CR2: variants seen among roughly 807,000 people sequenced by gnomAD.
The protein encoded by CR2 is complement receptor type 2.
In CR2, 96 loss-of-function variants were observed where a neutral mutation model predicts 123.0. The ratio of observed to expected loss-of-function variants is 0.78; its 90% confidence interval spans 0.66 to 0.93. CR2 has a LOEUF of 0.93. Among genes scored for constraint, CR2 ranks in the 40% least tolerant of loss-of-function variants. CR2 has a pLI of 0.00. For missense variants in CR2, 1,258 were observed against 1,361.0 expected (o/e 0.92, Z 1.19); for synonymous variants, 484 against 469.5 (o/e 1.03, Z -0.40).
chr1:207,471,428 A>G lies in CR2; in HGVS notation c.1499A>G (p.Lys500Arg), dbSNP rs745928267. Residue 500 changes from lysine to arginine, a missense_variant, in exon 9 of 20, where the codon AAG becomes AGG. Transcript: ENST00000367057. ...DVNSSCGEGY[K>R]LSGSVYQECQ... ...ATACGTGACTCTGTCTCTAGGTACA[A>G]GTTAAGTGGGAGTGTTTATCAGGAG... The G allele has an allele frequency of 3.1e-6, 5 of 1,611,640 alleles. No individual in the cohort carries two copies. Among genetic ancestry groups the G allele is most frequent in the Middle Eastern group, 3.3e-4 (2 of 6,056 alleles).
In CR2 at chr1:207,468,862, C is replaced by T. The variant is rs755984980; in HGVS notation, c.697C>T (p.Arg233Trp). Residue 233 changes from arginine to tryptophan, a missense_variant, in exon 4 of 20, where the codon CGG becomes TGG. By Grantham distance (101) the Arg-to-Trp change is moderately radical. Transcript: ENST00000367057. ...NGKVKEPPIL[R>W]VGVTANFFCD... ...GAAGGTAAAGGAGCCTCCAATTCTC[C>T]GGGTTGGTGTAACTGCAAACTTTTT... The T allele has an allele frequency of 2.0e-5, 33 of 1,613,798 alleles. No individual in the cohort carries two copies. Among genetic ancestry groups the T allele is most frequent in the South Asian group, 6.6e-5 (6 of 91,086 alleles).
chr1:207,473,129 G>T lies in CR2; in HGVS notation c.1928G>T (p.Arg643Leu), dbSNP rs748735321. Residue 643 changes from arginine (R) to leucine (L), a missense_variant, in exon 10 of 20, where the codon CGT becomes CTT. Transcript: ENST00000367057. ...GFTLKGSSQI[R>L]CKADNTWDPE... is the part of the protein sequence containing the mutation. ...ACTTTGAAGGGCAGTAGTCAGATTC[G>T]TTGCAAAGCTGATAACACCTGGGAT... 7 of 1,613,946 alleles carry T rather than the reference G, an allele frequency of 4.3e-6. No homozygotes were observed. The highest frequency in any genetic ancestry group is 5.1e-6 in the Non-Finnish European group (6 of 1,179,884).
At chr1:207,470,241 TAG>T in intron 6 of CR2, 139 bp downstream of exon 6, 1 of 938,238 alleles carries the variant, frequency 1.1e-6, no homozygotes, top group Non-Finnish European at 1.6e-6. Context: ...ATAAATTTTG[TAG>T]AGGGCATTCT....
chr1:207,478,088 C>T lies in CR2; in HGVS notation c.3088+18C>T, dbSNP rs189712638. 19 of 1,611,168 alleles carry T rather than the reference C, an allele frequency of 1.2e-5. No individual in the cohort carries two copies. Among genetic ancestry groups the T allele is most frequent in the Admixed American group, 1.2e-4 (7 of 59,764 alleles). On this transcript the variant is annotated intron_variant, in intron 16 of 19. Transcript: ENST00000367057. ...CAGATCCCGTAAGTACCAAGGGCTT[C>T]ACCGCCGCTTGTAACTGGCTAACGG...
chr1:207,469,306 T>A, intron 5 of CR2, 74 bp downstream of exon 5: 1 of 1,043,992 alleles, frequency 9.6e-7, no homozygotes, highest in Non-Finnish European at 1.5e-6. Flanking sequence ...AGTCATTACC[T>A]TACAGACTCT....
At chr1:207,478,525 C>CAAAAAAAAAA (rs36116544) in intron 16 of CR2, among the ~76,000 whole-genome samples, 2 of 58,742 alleles carry the variant, frequency 3.4e-5, no homozygotes, top group Non-Finnish European at 6.4e-5. Flanking sequence ...AAGACCCTAT[C>CAAAAAAAAAA]AAAAAAAAAA....
intron 19 of CR2, among the ~76,000 whole-genome samples, chr1:207,486,452 G>A (rs12121195): frequency 0.014 from 2,144 of 152,250 alleles, 18 homozygotes; most frequent in Non-Finnish European, 0.02. Context: ...CTATGTCATT[G>A]TAATGGGATG....
At chr1:207,474,356 TA>T in intron 13 of CR2, 33 bp downstream of exon 13, 1 of 1,471,396 alleles carries the variant, frequency 6.8e-7, no homozygotes, top group Non-Finnish European at 9.5e-7. Flanking sequence ...CTGACAATGG[TA>T]ATGGAGGATT....
In CR2 at chr1:207,472,855, G is replaced by A. The variant is rs747411446; in HGVS notation, c.1654G>A (p.Val552Ile). ...AGAAGATTTTCCATATGGAACCACGGTCACTTACACATGTAACCCTGGGCC... is the reference window on the plus strand; with the variant it reads ...AGAAGATTTTCCATATGGAACCACGATCACTTACACATGTAACCCTGGGCC... ...SLEDFPYGTT[V>I]TYTCNPGPER... Residue 552 changes from valine (V) to isoleucine (I), a missense_variant, in exon 10 of 20, where the codon GTC becomes ATC. Physicochemically the swap from Val to Ile is conservative, Grantham distance 29. Coordinates refer to ENST00000367057, the MANE Select transcript of CR2 (RefSeq NM_001006658.3). 2 of 1,613,996 alleles carry A rather than the reference G, an allele frequency of 1.2e-6. No homozygotes were observed. Among genetic ancestry groups the A allele is most frequent in the South Asian group, 1.1e-5 (1 of 91,088 alleles).
chr1:207,474,802 A>G, intron 13 of CR2, 22 bp from the exon 14 acceptor site: 4 of 1,613,578 alleles, frequency 2.5e-6, no homozygotes, highest in Non-Finnish European at 3.4e-6. Context: ...CTGAAGTAGA[A>G]CTCCCTAAAT....
rs920662978 is a variant in CR2, at chr1:207,473,005, T to C, written c.1804T>C (p.Cys602Arg). ...LCKLSLLAVQ[C>R]SHVHIANGYK... Reference sequence around the variant, plus strand: ...TAAACTTTCCCTCCTTGCTGTCCAGTGCTCACATGTCCATATTGCAAATGG... The same window carrying C: ...TAAACTTTCCCTCCTTGCTGTCCAGCGCTCACATGTCCATATTGCAAATGG... Residue 602 changes from cysteine to arginine, a missense_variant, in exon 10 of 20, where the codon TGC (cysteine) becomes CGC (arginine). Physicochemically the swap from Cys to Arg is radical, Grantham distance 180. Coordinates refer to ENST00000367057, the MANE Select transcript of CR2 (RefSeq NM_001006658.3). The C allele has an allele frequency of 4.3e-6, 7 of 1,613,900 alleles. No homozygotes were observed. The highest frequency in any genetic ancestry group is 5.9e-6 in the Non-Finnish European group (7 of 1,179,950).
Position 207,477,976 on chromosome 1 carries a change from G to A in CR2, c.2994G>A (p.Leu998=), listed in dbSNP as rs144620383. ...ATCAGTATGGAGCTGTTGTAACTCT[G>A]GAGTGTGAAGATGGGTATATGCTGG... is the stretch of plus-strand genomic sequence containing the variant. The part of the protein sequence containing the change: ...KMYQYGAVVT[L]ECEDGYMLEG... Residue 998 remains leucine (L), a synonymous_variant, in exon 16 of 20, where the codon CTG becomes CTA. Coordinates refer to ENST00000367057, the MANE Select transcript of CR2 (RefSeq NM_001006658.3). The A allele has an allele frequency of 6.8e-6, 11 of 1,613,932 alleles. No individual in the cohort carries two copies. The highest frequency in any genetic ancestry group is 9.3e-6 in the Non-Finnish European group (11 of 1,179,980).
intron 16 of CR2, 114 bp from the exon 17 acceptor site, chr1:207,479,143 G>A (rs558975166): frequency 1.8e-5 from 15 of 849,676 alleles, no homozygotes; most frequent in South Asian, 6.8e-5. Flanking sequence ...CTTTTAAATC[G>A]ACTTGGAAGG....
At position 207,472,910 on chromosome 1, in the gene CR2, G is replaced by T; in HGVS notation, c.1709G>T (p.Gly570Val). 1 of 1,614,070 alleles carries T rather than the reference G, an allele frequency of 6.2e-7. No homozygotes were observed. ...AGAGGAGTGGAATTCAGCCTCATTG[G>T]AGAGAGCACCATCCGTTGTACAAGC... ...PERGVEFSLI[G>V]ESTIRCTSND... Residue 570 changes from glycine (G) to valine (V), a missense_variant, in exon 10 of 20, where the codon GGA becomes GTA. Physicochemically the swap from Gly to Val is moderately radical, Grantham distance 109. Coordinates refer to ENST00000367057, the MANE Select transcript of CR2 (RefSeq NM_001006658.3).
rs1439843661 is a variant in CR2, at chr1:207,473,851, C to T, written c.2206C>T (p.Arg736Cys). Reference sequence around the variant, plus strand: ...TCTTCAAGAACTTCCAGCTGGTTCACGTGTGGAGCTAGTTAATACGTCCTG... The same window carrying T: ...TCTTCAAGAACTTCCAGCTGGTTCATGTGTGGAGCTAGTTAATACGTCCTG... ...QSLQELPAGS[R>C]VELVNTSCQD... The change falls in exon 12 of 20, where the codon CGT (arginine) becomes TGT (cysteine). Residue 736 changes from arginine (R) to cysteine (C), a missense_variant. By Grantham distance (180) the Arg-to-Cys change is radical (BLOSUM62 -3). Transcript: ENST00000367057. 4 of 1,613,908 alleles carry T rather than the reference C, an allele frequency of 2.5e-6. No homozygotes were observed. The highest frequency in any genetic ancestry group is 2.2e-5 in the South Asian group (2 of 91,084).
Position 207,473,844 on chromosome 1 carries a change from T to C in CR2, c.2199T>C (p.Ala733=). The change falls in exon 12 of 20, where the codon GCT becomes GCC. Residue 733 remains alanine (A), a synonymous_variant. Coordinates refer to ENST00000367057, the MANE Select transcript of CR2 (RefSeq NM_001006658.3). The stretch of plus-strand genomic sequence containing the variant: ...GACAGAGTCTTCAAGAACTTCCAGC[T>C]GGTTCACGTGTGGAGCTAGTTAATA... ...HVRQSLQELP[A]GSRVELVNTS... 1 of 1,613,988 alleles carries C rather than the reference T, an allele frequency of 6.2e-7. No homozygotes were observed. The highest frequency in any genetic ancestry group is 2.2e-5 in the East Asian group (1 of 44,882).
At position 207,475,234 on chromosome 1, in the gene CR2, G is replaced by T. The variant is rs762249135; in HGVS notation, c.2716+18G>T. 1 of 1,613,512 alleles carries T rather than the reference G, an allele frequency of 6.2e-7. No homozygotes were observed. The highest frequency in any genetic ancestry group is 1.3e-5 in the African/African-American group (1 of 74,884). ...CAAAAAAGGTAAGATACTTGGAAGG[G>T]ATAAGTTATGGGATGTTGTACAGAA... On this transcript the variant is annotated intron_variant, in intron 14 of 19. Transcript: ENST00000367057.
At chr1:207,461,178 C>G (rs1657956462) in intron 1 of CR2, among the ~76,000 whole-genome samples, 1 of 152,008 alleles carries the variant, frequency 6.6e-6, no homozygotes, top group Non-Finnish European at 1.5e-5. Flanking sequence ...ATCCGCTCCC[C>G]CTACCACCCT....
intron 18 of CR2, among the ~76,000 whole-genome samples, chr1:207,485,140 G>A (rs572276670): frequency 1.3e-5 from 2 of 152,282 alleles, no homozygotes; most frequent in East Asian, 3.9e-4. Context: ...TGAACAATGA[G>A]AACATGTGGG....
Sources: allele counts gnomAD v4.1 joint callset (sites outside exome capture counted in the v4.1 genomes callset), GRCh38; gene constraint gnomAD v4.1.1; transcripts MANE v1.5; gene names NCBI Gene and HGNC (gene_info 2026-07-23, HGNC 2026-07-21).